NEBL: variants seen among roughly 807,000 people sequenced by gnomAD.
NEBL encodes nebulette.
Under a neutral mutation model 140.2 loss-of-function variants are expected in NEBL, and 122 were observed. That is an observed-to-expected ratio of 0.87 (90% CI 0.75 to 1.01). The LOEUF (loss-of-function observed/expected upper bound fraction) is 1.01. Ranked by LOEUF, NEBL falls within the 50% of genes least tolerant of loss-of-function variation. The probability of loss-of-function intolerance (pLI) is 0.00; values close to 1 mark genes in which losing one functional copy is unlikely to be tolerated. For missense variants in NEBL, 1,365 were observed against 1,231.3 expected, an observed-to-expected ratio of 1.11 and a Z score of -1.62; for synonymous variants, 436 against 398.9, an observed-to-expected ratio of 1.09 and a Z score of -1.11.
chr10:20,817,738 C>G, intron 20 of NEBL, 46 bp from the exon 21 acceptor site: 1 of 1,405,502 alleles, frequency 7.1e-7, no homozygotes, highest in Non-Finnish European at 1.0e-6. Flanking sequence ...CAATGGGCTC[C>G]ACTGAAATAC....
chr10:21,158,108 C>T (rs1156606208), intron 2 of NEBL, among the ~76,000 whole-genome samples: 3 of 152,200 alleles, frequency 2.0e-5, no homozygotes, highest in Non-Finnish European at 4.4e-5. Context: ...TACTTTGTCA[C>T]AGCAAGCCTA....
intron 7 of NEBL, among the ~76,000 whole-genome samples, chr10:20,860,309 G>C (rs1232506297): frequency 6.6e-6 from 1 of 151,804 alleles, no homozygotes; most frequent in Non-Finnish European, 1.5e-5. Flanking sequence ...TTAGTTTTAG[G>C]AATTACATTT....
At chr10:21,151,544 G>A (rs569420367) in intron 2 of NEBL, among the ~76,000 whole-genome samples, 10 of 152,058 alleles carry the variant, frequency 6.6e-5, no homozygotes, top group East Asian at 1.9e-4. Flanking sequence ...CACACATCAC[G>A]TCACTCCTCT....
intron 3 of NEBL, among the ~76,000 whole-genome samples, chr10:20,999,160 GGGA>G (rs1361024740): frequency 8.4e-4 from 124 of 147,036 alleles, no homozygotes; most frequent in African/African-American, 2.9e-3. Context: ...GGTGTGTGGG[GGGA>G]AAAAAAAAAA....
chr10:20,952,904 CAAAAA>C (rs34713711), intron 4 of NEBL, among the ~76,000 whole-genome samples: 4 of 62,356 alleles, frequency 6.4e-5, no homozygotes, highest in Non-Finnish European at 1.1e-4. Context: ...GACCCTGTCT[CAAAAA>C]AAAAAAAAAA....
In NEBL at chr10:20,910,181, T is replaced by A. The variant is rs886440291; in HGVS notation, c.357+51491A>T. Among the ~76,000 whole-genome samples, 11 of 152,324 alleles carry A rather than the reference T, an allele frequency of 7.2e-5. No homozygotes were observed. The East Asian group carries it at 9.6e-4, about 13-fold the overall frequency. ...GAAATGAGTTGAGGACATACTTTTT[T>A]AAAAATTATCTATATAGTTAAGCAA... On this transcript the variant is annotated intron_variant, in intron 4 of 6. Transcript: ENST00000417816.
intron 2 of NEBL, among the ~76,000 whole-genome samples, chr10:21,164,837 A>C (rs1840697379): frequency 6.6e-6 from 1 of 152,218 alleles, no homozygotes. Flanking sequence ...ATTATAACCC[A>C]AAAAGAAAAA....
intron 3 of NEBL, among the ~76,000 whole-genome samples, chr10:21,016,567 T>C (rs1016763105): frequency 3.9e-5 from 6 of 152,242 alleles, no homozygotes; most frequent in African/African-American, 1.4e-4. Context: ...GCTCACTTGG[T>C]AAGCTAATGA....
intron 4 of NEBL, among the ~76,000 whole-genome samples, chr10:20,919,299 T>C (rs916364364): frequency 6.6e-6 from 1 of 152,162 alleles, no homozygotes. Flanking sequence ...AACTGGGAGA[T>C]ACTGGATAGG....
intron 3 of NEBL, among the ~76,000 whole-genome samples, chr10:20,964,785 AG>A (rs1005066621): frequency 6.6e-6 from 1 of 152,194 alleles, no homozygotes; most frequent in African/African-American, 2.4e-5. Flanking sequence ...GTCAACACAG[AG>A]GCAAGCAAAA....
intron 3 of NEBL, among the ~76,000 whole-genome samples, chr10:21,198,988 A>G (rs1284524571): frequency 1.3e-5 from 2 of 148,288 alleles, no homozygotes; most frequent in Non-Finnish European, 1.5e-5. Flanking sequence ...TCTACTTTTT[A>G]TTTATTTTTA....
intron 2 of NEBL, among the ~76,000 whole-genome samples, chr10:21,047,577 T>C (rs1030555197): frequency 3.3e-5 from 5 of 152,052 alleles, no homozygotes; most frequent in Admixed American, 6.6e-5. Flanking sequence ...CTCTACTTTG[T>C]CCCACAAATA....
At position 20,849,842 on chromosome 10, in the gene NEBL, TTTCA is replaced by T. The variant is rs1304251617; in HGVS notation, c.1116+549_1116+552del. 4.2e-4 allele frequency among the ~76,000 whole-genome samples: 64 copies of T among 152,304 alleles called. 1 individual carries two copies. Among genetic ancestry groups the T allele is most frequent in the African/African-American group, 1.5e-3 (63 of 41,582 alleles). On this transcript the variant is annotated intron_variant, in intron 11 of 27. Transcript: ENST00000377122. The stretch of plus-strand genomic sequence containing the variant: ...ACATTAACATTTACTGGATACAGAA[TTTCA>T]TCTAAGACAATTTCAGTAGACACAT...
chr10:21,254,170 T>C (rs777658021), intron 1 of NEBL, among the ~76,000 whole-genome samples: 4 of 152,138 alleles, frequency 2.6e-5, no homozygotes, highest in African/African-American at 9.7e-5. Flanking sequence ...CAGGGTCTTG[T>C]TCTGTTGCCC....
intron 2 of NEBL, among the ~76,000 whole-genome samples, chr10:21,147,023 G>A (rs187254692): frequency 2.8e-4 from 43 of 152,224 alleles, no homozygotes; most frequent in Non-Finnish European, 4.9e-4. Context: ...TTTCTGAAGG[G>A]CCTGAGGCTT....
chr10:20,893,204 C>G (rs1237814457), intron 2 of NEBL, among the ~76,000 whole-genome samples: 1 of 152,088 alleles, frequency 6.6e-6, no homozygotes, highest in Non-Finnish European at 1.5e-5. Flanking sequence ...CCCTTTTGCC[C>G]AATCTTTTTT....
chr10:20,815,768 G>A (rs1838665731), intron 21 of NEBL, 51 bp from the exon 22 acceptor site: 1 of 1,227,724 alleles, frequency 8.1e-7, no homozygotes, highest in South Asian at 1.2e-5. Context: ...ATTCAACAAA[G>A]AGACTTATTT....
chr10:21,043,677 G>A lies in NEBL; in HGVS notation c.165-23476C>T, dbSNP rs560167396. 5.3e-5 allele frequency among the ~76,000 whole-genome samples: 8 copies of A among 152,222 alleles called. 1 individual carries two copies. In the South Asian group the frequency reaches 1.7e-3, roughly 32 times the overall value. ...CTTTCCTAGTGAGAGAGTTGCACACGTTGTAACTGTCACTCCCCAGCAACA... is the reference window on the plus strand; with the variant it reads ...CTTTCCTAGTGAGAGAGTTGCACACATTGTAACTGTCACTCCCCAGCAACA... On this transcript the variant is annotated intron_variant, in intron 2 of 6. Coordinates refer to the NEBL transcript ENST00000417816.
intron 26 of NEBL, among the ~76,000 whole-genome samples, chr10:20,792,988 T>G (rs896677659): frequency 1.3e-5 from 2 of 152,114 alleles, no homozygotes; most frequent in African/African-American, 2.4e-5. Context: ...GGGAGTTAAG[T>G]CCACAAAGTT....
Sources: allele counts gnomAD v4.1 joint callset (sites outside exome capture counted in the v4.1 genomes callset), GRCh38; gene constraint gnomAD v4.1.1; transcripts MANE v1.5; gene names NCBI Gene and HGNC (gene_info 2026-07-23, HGNC 2026-07-21).